Variants in KCNB2 observed in about 807,000 individuals in gnomAD.
The protein encoded by KCNB2 is potassium voltage-gated channel subfamily B member 2, also known as delayed rectifier potassium channel protein.
A neutral mutation model predicts 61.5 loss-of-function variants in KCNB2; 15 were observed. The observed-to-expected ratio is 0.24, with a 90% confidence interval of 0.16 to 0.38. The LOEUF is 0.38. Ranked by LOEUF, KCNB2 falls within the 10% of genes least tolerant of loss-of-function variation. The probability of loss-of-function intolerance (pLI) is 1.00; values close to 1 mark genes in which losing one functional copy is unlikely to be tolerated. For synonymous variants in KCNB2, 457 were observed against 446.0 expected (o/e 1.02, Z -0.31); for missense variants, 828 against 1,125.2 (o/e 0.74, Z 3.78).
At chr8:72,733,430 G>T (rs917320626) in intron 2 of KCNB2, among the ~76,000 whole-genome samples, 2 of 152,102 alleles carry the variant, frequency 1.3e-5, no homozygotes, top group African/African-American at 4.8e-5. Context: ...AGGCAGCCTA[G>T]CATAATGGGT....
intron 2 of KCNB2, among the ~76,000 whole-genome samples, chr8:72,786,223 C>T (rs1229170701): frequency 6.6e-6 from 1 of 152,082 alleles, no homozygotes; most frequent in Non-Finnish European, 1.5e-5. Context: ...AATATATGTG[C>T]ACTCATTTCT....
intron 2 of KCNB2, among the ~76,000 whole-genome samples, chr8:72,724,668 A>G (rs1807603768): frequency 6.6e-6 from 1 of 152,152 alleles, no homozygotes. Flanking sequence ...GCATCAACAT[A>G]CTTATACTAA....
At chr8:72,696,388 A>G (rs2256032) in intron 2 of KCNB2, among the ~76,000 whole-genome samples, 37,918 of 152,128 alleles carry the variant, frequency 0.25, 8,025 homozygotes, top group African/African-American at 0.58. Context: ...GAAAACATTA[A>G]TCTCTTGGAG....
chr8:72,558,875 C>T lies in KCNB2; in HGVS notation c.-93-8767C>T, dbSNP rs148787357. Among the ~76,000 whole-genome samples, 317 of 152,092 alleles carry T rather than the reference C, an allele frequency of 2.1e-3. 2 individuals are homozygous for T. Among genetic ancestry groups the T allele is most frequent in the African/African-American group, 6.5e-3 (270 of 41,484 alleles). On this transcript the variant is annotated intron_variant, in intron 1 of 2. Coordinates refer to ENST00000523207, the MANE Select transcript of KCNB2 (RefSeq NM_004770.3). ...AGGATTATTGGATCGTCAGGGAGGT[C>T]AGGGGACAATAATATGTGATCCTTG...
chr8:72,729,907 C>A (rs1455301676), intron 2 of KCNB2, among the ~76,000 whole-genome samples: 2 of 151,734 alleles, frequency 1.3e-5, no homozygotes. Flanking sequence ...AGATTACACA[C>A]ATATATATAT....
At chr8:72,563,171 CATG>C (rs1806563773) in intron 1 of KCNB2, among the ~76,000 whole-genome samples, 2 of 152,016 alleles carry the variant, frequency 1.3e-5, no homozygotes, top group South Asian at 4.1e-4. Flanking sequence ...TGTGAGGCAG[CATG>C]ATAAGTTTAT....
intron 2 of KCNB2, among the ~76,000 whole-genome samples, chr8:72,641,285 A>G (rs911226481): frequency 3.3e-5 from 5 of 152,096 alleles, no homozygotes; most frequent in African/African-American, 4.8e-5. Context: ...TCTCATCCCT[A>G]AAGTTCCATT....
chr8:72,758,167 A>G (rs1377576942), intron 2 of KCNB2, among the ~76,000 whole-genome samples: 1 of 152,224 alleles, frequency 6.6e-6, no homozygotes, highest in African/African-American at 2.4e-5. Context: ...AGGAGACTGC[A>G]GGAGAAAGGA....
intron 2 of KCNB2, among the ~76,000 whole-genome samples, chr8:72,609,704 T>C (rs1332359744): frequency 2.0e-5 from 3 of 152,206 alleles, no homozygotes; most frequent in Admixed American, 2.0e-4. Context: ...TCAATTAGGA[T>C]CAACTTAGTA....
intron 2 of KCNB2, among the ~76,000 whole-genome samples, chr8:72,597,303 G>A (rs1165574231): frequency 1.3e-5 from 2 of 152,120 alleles, no homozygotes; most frequent in East Asian, 1.9e-4. Flanking sequence ...CAAAGTGCTG[G>A]GATTACAGGC....
intron 2 of KCNB2, among the ~76,000 whole-genome samples, chr8:72,897,460 T>A (rs74390090): frequency 0.04 from 6,067 of 152,180 alleles, 405 homozygotes; most frequent in African/African-American, 0.14. Context: ...GTTTTAATTA[T>A]ACACTGAATA....
chr8:72,822,970 C>T (rs1477344574), intron 2 of KCNB2, among the ~76,000 whole-genome samples: 1 of 152,046 alleles, frequency 6.6e-6, no homozygotes, highest in East Asian at 1.9e-4. Flanking sequence ...CCACCCAACC[C>T]CAGCAGCTCC....
chr8:72,553,223 T>C (rs771842774), intron 1 of KCNB2, among the ~76,000 whole-genome samples: 2 of 152,170 alleles, frequency 1.3e-5, no homozygotes, highest in South Asian at 2.1e-4. Flanking sequence ...GAATTTAACG[T>C]AAGCCATTGC....
rs77065091 is a variant in KCNB2 at position 72,590,622 on chromosome 8, A to G, written c.579+22309A>G. Among the ~76,000 whole-genome samples, 791 of 152,320 alleles carry G rather than the reference A, an allele frequency of 5.2e-3. 8 individuals are homozygous for G. The highest frequency in any genetic ancestry group is 0.018 in the African/African-American group (761 of 41,578). On this transcript the variant is annotated intron_variant, in intron 2 of 2. Coordinates refer to ENST00000523207, the MANE Select transcript of KCNB2 (RefSeq NM_004770.3). Reference sequence around the variant, plus strand: ...ACCTTAGGTTGATTTGGGTCAAATCATTCCTGTGATGTCTTGTAACAATTT... The same window carrying G: ...ACCTTAGGTTGATTTGGGTCAAATCGTTCCTGTGATGTCTTGTAACAATTT...
At chr8:72,736,257 T>C (rs555674344) in intron 2 of KCNB2, among the ~76,000 whole-genome samples, 1 of 152,032 alleles carries the variant, frequency 6.6e-6, no homozygotes, top group East Asian at 1.9e-4. Flanking sequence ...TAACCTATTG[T>C]CCCTCTATCA....
chr8:72,778,155 T>A (rs1285230586), intron 2 of KCNB2, among the ~76,000 whole-genome samples: 1 of 152,184 alleles, frequency 6.6e-6, no homozygotes, highest in Non-Finnish European at 1.5e-5. Flanking sequence ...TCACTTGCTG[T>A]GTGATATTTA....
chr8:72,795,931 A>G (rs530286229), intron 2 of KCNB2, among the ~76,000 whole-genome samples: 2 of 152,344 alleles, frequency 1.3e-5, no homozygotes, highest in East Asian at 1.9e-4. Flanking sequence ...AGAGTTTGAA[A>G]GCAGTAAAGT....
At chr8:72,797,131 C>T (rs921012805) in intron 2 of KCNB2, among the ~76,000 whole-genome samples, 3 of 152,154 alleles carry the variant, frequency 2.0e-5, no homozygotes, top group African/African-American at 7.2e-5. Flanking sequence ...TTCTACTGGG[C>T]TCCTTATTTT....
At position 72,786,853 on chromosome 8, in the gene KCNB2, A is replaced by G. The variant is rs12677599; in HGVS notation, c.580-149082A>G. 2.4e-4 allele frequency among the ~76,000 whole-genome samples: 36 copies of G among 152,304 alleles called. No homozygotes were observed. The East Asian group carries it at 4.8e-3, about 20-fold the overall frequency. ...AAGAGACTCTTAAGGAAGAACAGAC[A>G]TCTCATTTTCCATTTTCTTCTCATT... is the stretch of plus-strand genomic sequence containing the variant. On this transcript the variant is annotated intron_variant, in intron 2 of 2. Coordinates refer to ENST00000523207, the MANE Select transcript of KCNB2 (RefSeq NM_004770.3).
Sources: gnomAD v4.1 joint callset for allele counts (sites outside exome capture counted in the v4.1 genomes callset) on GRCh38, gnomAD v4.1.1 for gene constraint, MANE v1.5 for transcripts, NCBI Gene and HGNC (gene_info 2026-07-23, HGNC 2026-07-21) for gene names.